Variants in KDM5A observed in about 807,000 individuals in gnomAD.
KDM5A encodes the protein lysine demethylase 5A.
In KDM5A, 42 loss-of-function variants were observed where a neutral mutation model predicts 193.5. The ratio of observed to expected loss-of-function variants is 0.22; its 90% confidence interval spans 0.17 to 0.28. KDM5A has a LOEUF of 0.28. Ranked by LOEUF, KDM5A falls within the 10% of genes least tolerant of loss-of-function variation. The pLI is 1.00. For missense variants in KDM5A, 1,692 were observed against 2,055.1 expected (o/e 0.82, Z 3.42); for synonymous variants, 796 against 718.1 (o/e 1.11, Z -1.73).
rs776039492 is a variant in KDM5A, at chr12:323,772, T to A, written c.1978A>T (p.Met660Leu). The change falls in exon 15 of 28, where the codon ATG (methionine) becomes TTG (leucine). Residue 660 changes from methionine to leucine, a missense_variant. Around this residue, in one of 11 missense-constraint regions of KDM5A, gnomAD observed 88 missense variants for 124.6 expected, o/e 0.71. Transcript: ENST00000399788. ...AGTTCAAACACTTCTTCTTCTGACA[T>A]CAGGACACCCTGAAATATAATTTAT... ...RESVVQMGVL[M>L]SEEEVFELVP... 1.9e-5 allele frequency: 31 copies of A among 1,613,302 alleles called. 1 individual carries two copies. In the South Asian group the frequency reaches 3.4e-4, roughly 18 times the overall value.
chr12:367,118 G>C (rs547809606), intron 3 of KDM5A, among the ~76,000 whole-genome samples: 15 of 152,242 alleles, frequency 9.9e-5, no homozygotes, highest in African/African-American at 3.4e-4. Context: ...ATGTTTTTCA[G>C]AACATATCCC....
chr12:355,978 T>C (rs1944225661), intron 6 of KDM5A, among the ~76,000 whole-genome samples: 1 of 152,224 alleles, frequency 6.6e-6, no homozygotes, highest in Admixed American at 6.5e-5. Flanking sequence ...ACAGACTTAC[T>C]AAAGAAAACA....
chr12:287,450 A>T (rs903701603), intron 27 of KDM5A, among the ~76,000 whole-genome samples: 2 of 152,096 alleles, frequency 1.3e-5, no homozygotes, highest in South Asian at 4.1e-4. Flanking sequence ...TCTGTGCAAT[A>T]AAAAAACTCA....
Position 331,834 on chromosome 12 carries a change from G to C in KDM5A, c.1758C>G (p.Phe586Leu). Residue 586 changes from phenylalanine (F) to leucine (L), a missense_variant, in exon 13 of 28, where the codon TTC (phenylalanine) becomes TTG (leucine). Phe to Leu is a conservative substitution (Grantham distance 22, BLOSUM62 0). Coordinates refer to ENST00000399788, the MANE Select transcript of KDM5A (RefSeq NM_001042603.3). ...QGYNFAEAVN[F>L]CTADWLPIGR... is the part of the protein sequence containing the mutation. ...TAGAACAGACCCAGTCAGCAGTACA[G>C]AAGTTCACAGCTTCAGCAAAGTTGT... 3 of 1,614,016 alleles carry C rather than the reference G, an allele frequency of 1.9e-6. No individual in the cohort carries two copies. Among genetic ancestry groups the C allele is most frequent in the Non-Finnish European group, 1.7e-6 (2 of 1,179,928 alleles).
chr12:366,702 A>C (rs1017233892), intron 3 of KDM5A, among the ~76,000 whole-genome samples: 7 of 151,234 alleles, frequency 4.6e-5, no homozygotes, highest in African/African-American at 1.7e-4. Context: ...TAAGGTAGAA[A>C]ACGATGAGAT....
intron 10 of KDM5A, among the ~76,000 whole-genome samples, chr12:343,352 T>C (rs1944031460): frequency 6.6e-6 from 1 of 152,200 alleles, no homozygotes; most frequent in Non-Finnish European, 1.5e-5. Flanking sequence ...AGGGCATGGC[T>C]GAACAAAAGG....
intron 26 of KDM5A, among the ~76,000 whole-genome samples, chr12:295,302 A>G (rs1427938844): frequency 2.3e-5 from 3 of 130,284 alleles, no homozygotes; most frequent in Non-Finnish European, 5.2e-5. Context: ...AAAGAAAAAG[A>G]AAGGAAAGGA....
At chr12:376,000 G>A (rs945032663) in intron 3 of KDM5A, among the ~76,000 whole-genome samples, 1 of 152,236 alleles carries the variant, frequency 6.6e-6, no homozygotes, top group Non-Finnish European at 1.5e-5. Flanking sequence ...ACGAGGCGGT[G>A]CCTCCCAGTT....
intron 10 of KDM5A, among the ~76,000 whole-genome samples, chr12:348,454 G>A (rs925240019): frequency 9.2e-5 from 14 of 152,098 alleles, no homozygotes; most frequent in Admixed American, 3.3e-4. Context: ...GTAAAGACAC[G>A]TTCACACGTA....
chr12:343,744 C>A (rs1944035706), intron 10 of KDM5A, among the ~76,000 whole-genome samples: 1 of 152,152 alleles, frequency 6.6e-6, no homozygotes. Flanking sequence ...TCATCTATAC[C>A]AAAACCCCAT....
chr12:345,584 T>C (rs1035415582), intron 10 of KDM5A, among the ~76,000 whole-genome samples: 2 of 152,098 alleles, frequency 1.3e-5, no homozygotes, highest in African/African-American at 4.8e-5. Flanking sequence ...CACAGTGCAA[T>C]CAAATTAGAA....
chr12:320,767 GA>G (rs1943707450), intron 18 of KDM5A, among the ~76,000 whole-genome samples: 1 of 151,384 alleles, frequency 6.6e-6, no homozygotes, highest in Admixed American at 6.6e-5. Context: ...AATTAATATA[GA>G]AAAAAATAAT....
intron 14 of KDM5A, among the ~76,000 whole-genome samples, chr12:324,158 T>C (rs952181451): frequency 1.3e-5 from 2 of 152,056 alleles, no homozygotes; most frequent in Admixed American, 6.5e-5. Flanking sequence ...TTTTAAACAT[T>C]ACCCAGGCAT....
intron 17 of KDM5A, among the ~76,000 whole-genome samples, chr12:321,345 T>A (rs1943713502): frequency 6.6e-6 from 1 of 152,234 alleles, no homozygotes; most frequent in Non-Finnish European, 1.5e-5. Flanking sequence ...TTTCAAACAT[T>A]ACATAAATTC....
At chr12:322,970 T>C (rs995095593) in intron 16 of KDM5A, 112 bp downstream of exon 16, 37 of 1,393,098 alleles carry the variant, frequency 2.7e-5, no homozygotes, top group Non-Finnish European at 3.7e-5. Flanking sequence ...TCAAATCTCA[T>C]AGGAAGCCTA....
rs138464390 is a variant in KDM5A at position 331,528 on chromosome 12, A to G, written c.1773+291T>C. Among the ~76,000 whole-genome samples, 451 of 152,338 alleles carry G rather than the reference A, an allele frequency of 3.0e-3. 1 individual carries two copies. The highest frequency in any genetic ancestry group is 0.01 in the African/African-American group (430 of 41,576). The stretch of plus-strand genomic sequence containing the variant: ...AGCAAAGGAGAGAAGGAAAGGAAGA[A>G]AAGAAGGAAATGGGGGAAGGGGAAA... On this transcript the variant is annotated intron_variant, in intron 13 of 27. Coordinates refer to ENST00000399788, the MANE Select transcript of KDM5A (RefSeq NM_001042603.3).
At position 384,022 on chromosome 12, in the gene KDM5A, G is replaced by T; in HGVS notation, c.366+9C>A. ...TGTGCTCTAATTTCTAAACCAGTAT[G>T]AGCCTCACCTTGCTCAAAGCATACA... is the stretch of plus-strand genomic sequence containing the variant. On this transcript the variant is annotated intron_variant, in intron 3 of 27. Coordinates refer to ENST00000399788, the MANE Select transcript of KDM5A (RefSeq NM_001042603.3). The T allele has an allele frequency of 6.2e-7, 1 of 1,613,348 alleles. No homozygotes were observed.
intron 10 of KDM5A, among the ~76,000 whole-genome samples, chr12:336,764 G>A (rs547768052): frequency 3.3e-5 from 5 of 151,882 alleles, no homozygotes; most frequent in Admixed American, 2.6e-4. Flanking sequence ...GAACCCAGGA[G>A]GTGGAGGTTG....
intron 20 of KDM5A, among the ~76,000 whole-genome samples, chr12:312,616 G>C (rs1591907847): frequency 1.3e-5 from 2 of 152,122 alleles, no homozygotes; most frequent in African/African-American, 2.4e-5. Context: ...AACTTTACTA[G>C]AATTATTTTA....
Sources: gnomAD v4.1 joint callset for allele counts (sites outside exome capture counted in the v4.1 genomes callset) on GRCh38, gnomAD v4.1.1 for gene constraint, gnomAD v4.1.1 regional missense constraint, MANE v1.5 for transcripts, NCBI Gene and HGNC (gene_info 2026-07-23, HGNC 2026-07-21) for gene names.